Variants in SQLE observed in about 807,000 individuals in gnomAD.
The protein encoded by SQLE is squalene monooxygenase.
Under a neutral mutation model 60.7 loss-of-function variants are expected in SQLE, and 29 were observed. The observed-to-expected ratio is 0.48, with a 90% CI of 0.36 to 0.65. The LOEUF is 0.65. Among genes scored for constraint, SQLE ranks in the 30% least tolerant of loss-of-function variants. The pLI is 0.00. For synonymous variants in SQLE, 237 were observed against 246.8 expected (o/e 0.96, Z 0.37); for missense variants, 605 against 684.1 (o/e 0.88, Z 1.29).
intron 10 of SQLE, 29 bp from the exon 11 acceptor site, chr8:125,021,724 T>A (rs1289767296): frequency 1.3e-6 from 2 of 1,514,002 alleles, no homozygotes; most frequent in East Asian, 2.3e-5. Flanking sequence ...TTTCTGAGTC[T>A]TACCAATATG....
chr8:125,010,565 C>G (rs992169953), intron 6 of SQLE, among the ~76,000 whole-genome samples: 6 of 151,422 alleles, frequency 4.0e-5, no homozygotes, highest in Admixed American at 2.0e-4. Flanking sequence ...AAATTATTAA[C>G]AGAAATGAAG....
chr8:125,007,573 G>A (rs905594626), intron 4 of SQLE, 86 bp downstream of exon 4: 29 of 812,498 alleles, frequency 3.6e-5, no homozygotes, highest in East Asian at 2.5e-4. Flanking sequence ...TAGGCTTACC[G>A]GTTTACATGT....
At chr8:125,018,567 T>C (rs966946) in intron 8 of SQLE, 64 bp from the exon 9 acceptor site, 399,824 of 1,037,648 alleles carry the variant, frequency 0.39, 82,515 homozygotes, top group African/African-American at 0.69. Context: ...TTTGAGGGGA[T>C]TATAAACATC....
At chr8:125,009,436 A>G in intron 6 of SQLE, 93 bp downstream of exon 6, 1 of 1,231,166 alleles carries the variant, frequency 8.1e-7, no homozygotes, top group South Asian at 1.6e-5. Context: ...AGTCAACCAG[A>G]TATTCTGGAA....
rs763907697 is a variant in SQLE at position 124,999,721 on chromosome 8, G to C, written c.291+27G>C. 7.1e-6 allele frequency: 11 copies of C among 1,543,258 alleles called. 1 individual carries two copies. In the South Asian group the frequency reaches 7.6e-5, roughly 11 times the overall value. On this transcript the variant is annotated intron_variant, in intron 1 of 10. Transcript: ENST00000265896. The stretch of plus-strand genomic sequence containing the variant: ...TAGGTTGATTTCAAAGCGGGCAGAT[G>C]AATGTCTTATTTAGGAGTAGGATTG...
At chr8:125,012,912 G>T (rs1277147864) in intron 7 of SQLE, among the ~76,000 whole-genome samples, 2 of 152,168 alleles carry the variant, frequency 1.3e-5, no homozygotes, top group South Asian at 4.1e-4. Flanking sequence ...ATCCTTGTCA[G>T]TGAACACTTG....
chr8:125,018,884 G>C (rs1815153714), intron 9 of SQLE, 157 bp downstream of exon 9: 4 of 592,344 alleles, frequency 6.8e-6, no homozygotes, highest in Non-Finnish European at 1.2e-5. Flanking sequence ...TTGAGCAATA[G>C]TTGTAGTTTT....
Position 124,998,651 on chromosome 8 carries a change from C to A in SQLE, c.-753C>A. The A allele has an allele frequency of 1.5e-6, 1 of 671,394 alleles. No homozygotes were observed. Among genetic ancestry groups the A allele is most frequent in the Admixed American group, 2.1e-5 (1 of 46,538 alleles). 41.6% of individuals were successfully genotyped at this position (671,394 alleles called of 1,614,324 possible). A position where few individuals can be genotyped will look rare whatever the true frequency, so the allele number is the denominator to read the frequency against. ...CGCCGCCGCCATCTGAGGGAGGTAC[C>A]CTGGAAACCACCTTTTATCGGTGGG... On this transcript the variant is annotated 5_prime_UTR_variant, in exon 1 of 11. Transcript: ENST00000265896.
intron 6 of SQLE, chr8:125,010,830 T>C (rs74599341): frequency 1.3e-3 from 204 of 152,056 alleles, no homozygotes; most frequent in African/African-American, 4.5e-3. Flanking sequence ...TGCCCTGAAA[T>C]TATGGAGAGA....
chr8:125,004,566 AT>A lies in SQLE; in HGVS notation c.545-951del, dbSNP rs546846142. Among the ~76,000 whole-genome samples the A allele has an allele frequency of 2.4e-3, 361 of 151,510 alleles. 1 individual carries two copies. The highest frequency in any genetic ancestry group is 8.1e-3 in the African/African-American group (335 of 41,310). ...GTCCTGTTGTTTCAATTTTTACTTA[AT>A]TTTTTTTATCGTTTGAACATTTTTT... On this transcript the variant is annotated intron_variant, in intron 2 of 10. Transcript: ENST00000265896.
rs1410796864 is a variant in SQLE, at chr8:125,021,794, C to G, written c.1574C>G (p.Ala525Gly). The G allele has an allele frequency of 1.2e-6, 2 of 1,608,670 alleles. No homozygotes were observed. Among genetic ancestry groups the G allele is most frequent in the Admixed American group, 3.4e-5 (2 of 59,198 alleles). Reference protein sequence around the residue: ...NPLVLIGHFFAVAIYAVYFCF... With the variant: ...NPLVLIGHFFGVAIYAVYFCF... ...CTAGTTTTAATTGGACACTTCTTTG[C>G]TGTTGCAATCTATGCCGTGTATTTT... Residue 525 changes from alanine to glycine, a missense_variant, in exon 11 of 11, where the codon GCT becomes GGT. Transcript: ENST00000265896.
intron 7 of SQLE, among the ~76,000 whole-genome samples, chr8:125,014,578 G>T (rs562265087): frequency 6.6e-6 from 1 of 152,164 alleles, no homozygotes; most frequent in African/African-American, 2.4e-5. Flanking sequence ...TGCTTTTGCT[G>T]TGTCTCACAG....
chr8:125,000,642 C>G (rs1814828907), intron 1 of SQLE, among the ~76,000 whole-genome samples: 1 of 151,682 alleles, frequency 6.6e-6, no homozygotes, highest in Admixed American at 6.6e-5. Context: ...TTTGTGGAGA[C>G]AGGGTTTCAC....
intron 6 of SQLE, chr8:125,011,303 GTTTATA>G (rs1815036872): frequency 3.0e-6 from 1 of 329,804 alleles, no homozygotes; most frequent in Non-Finnish European, 5.5e-6. Flanking sequence ...TTGTATGTAT[GTTTATA>G]TTAATGTTCT....
chr8:125,001,142 A>G lies in SQLE; in HGVS notation c.291+1448A>G, dbSNP rs188922706. ...GGAAAGGAGGGAGAGAGAATCCTTA[A>G]TGTTTAATTTGAACTTTTTTGTATT... On this transcript the variant is annotated intron_variant, in intron 1 of 10. Transcript: ENST00000265896. 5.9e-5 allele frequency among the ~76,000 whole-genome samples: 9 copies of G among 152,248 alleles called. 1 individual carries two copies. In the East Asian group the frequency reaches 1.7e-3, roughly 29 times the overall value.
At chr8:125,020,284 A>G (rs1563601000) in intron 9 of SQLE, among the ~76,000 whole-genome samples, 7 of 152,194 alleles carry the variant, frequency 4.6e-5, no homozygotes, top group African/African-American at 2.4e-5. Context: ...AAGGTTATCA[A>G]TTGATTACAC....
intron 6 of SQLE, among the ~76,000 whole-genome samples, chr8:125,009,868 T>A (rs1815013813): frequency 6.6e-6 from 1 of 152,186 alleles, no homozygotes; most frequent in Non-Finnish European, 1.5e-5. Flanking sequence ...TTTATTGGCA[T>A]ATATGGTATT....
intron 9 of SQLE, 41 bp from the exon 10 acceptor site, chr8:125,020,743 A>ATGATAT: frequency 8.1e-7 from 1 of 1,238,668 alleles, no homozygotes; most frequent in East Asian, 2.4e-5. Context: ...ATCCTACATA[A>ATGATAT]GTGTGTACAC....
chr8:125,009,244 A>G lies in SQLE; in HGVS notation c.1009A>G (p.Ile337Val), dbSNP rs1448654207. The change falls in exon 6 of 11, where the codon ATT becomes GTT. Residue 337 changes from isoleucine (I) to valine (V), a missense_variant. Physicochemically the swap from Ile to Val is conservative, Grantham distance 29 (BLOSUM62 3). Transcript: ENST00000265896. ...CCCGAGTCCAGTTCTCATCTACCAG[A>G]TTTCATCCAGTGAAACTCGAGTACT... ...ANPSPVLIYQISSSETRVLVD... is the reference protein window; with the variant it reads ...ANPSPVLIYQVSSSETRVLVD... 6.2e-7 allele frequency: 1 copy of G among 1,613,936 alleles called. No homozygotes were observed. Among genetic ancestry groups the G allele is most frequent in the Non-Finnish European group, 8.5e-7 (1 of 1,179,880 alleles).
Sources: allele counts gnomAD v4.1 joint callset (sites outside exome capture counted in the v4.1 genomes callset), GRCh38; gene constraint gnomAD v4.1.1; transcripts MANE v1.5; gene names NCBI Gene and HGNC (gene_info 2026-07-23, HGNC 2026-07-21).